The following TACR1 variants were observed in gnomAD, a reference collection of about 807,000 sequenced individuals.
TACR1 encodes the protein substance-P receptor.
In TACR1, 25 loss-of-function variants were observed where a neutral mutation model predicts 35.8. That is an observed-to-expected ratio of 0.70 (90% CI 0.51 to 0.98). The LOEUF (loss-of-function observed/expected upper bound fraction) is 0.98. Among genes scored for constraint, TACR1 ranks in the 50% least tolerant of loss-of-function variants. The pLI is 0.00. For synonymous variants in TACR1, 195 were observed against 206.7 expected (o/e 0.94, Z 0.48); for missense variants, 478 against 522.9 (o/e 0.91, Z 0.84).
intron 2 of TACR1, among the ~76,000 whole-genome samples, chr2:75,106,404 C>T (rs1673645706): frequency 6.6e-6 from 1 of 151,916 alleles, no homozygotes. Flanking sequence ...ACTGTAGACT[C>T]ATGAGAGAAT....
intron 1 of TACR1, among the ~76,000 whole-genome samples, chr2:75,134,382 A>G (rs983156598): frequency 3.9e-5 from 6 of 152,206 alleles, no homozygotes; most frequent in Admixed American, 2.6e-4. Context: ...TATATGTCAG[A>G]GAAGGGCTCA....
chr2:75,134,767 A>C (rs946264827), intron 1 of TACR1, among the ~76,000 whole-genome samples: 1 of 152,228 alleles, frequency 6.6e-6, no homozygotes, highest in Non-Finnish European at 1.5e-5. Flanking sequence ...TCCCCATGGC[A>C]CCTGACCAGG....
At chr2:75,144,706 C>G (rs1674470139) in intron 1 of TACR1, among the ~76,000 whole-genome samples, 1 of 152,168 alleles carries the variant, frequency 6.6e-6, no homozygotes, top group Non-Finnish European at 1.5e-5. Context: ...CCACAACTAA[C>G]AAACTGATAT....
chr2:75,067,240 C>G (rs1672780679), intron 2 of TACR1, among the ~76,000 whole-genome samples: 1 of 152,194 alleles, frequency 6.6e-6, no homozygotes, highest in Admixed American at 6.5e-5. Flanking sequence ...TCCTCAACTT[C>G]ACAGTTCTTA....
At chr2:75,169,875 C>T (rs939143625) in intron 1 of TACR1, among the ~76,000 whole-genome samples, 6 of 151,966 alleles carry the variant, frequency 3.9e-5, no homozygotes, top group Non-Finnish European at 7.4e-5. Flanking sequence ...TTTTTCTTCC[C>T]CTTTCGTCTC....
chr2:75,084,189 T>G (rs1673146399), intron 2 of TACR1, among the ~76,000 whole-genome samples: 2 of 152,366 alleles, frequency 1.3e-5, no homozygotes, highest in South Asian at 4.1e-4. Flanking sequence ...GATAATCATG[T>G]GGTTTTTGTC....
At position 75,137,372 on chromosome 2, in the gene TACR1, C is replaced by T. The variant is rs553178420; in HGVS notation, c.390-16604G>A. On this transcript the variant is annotated intron_variant, in intron 1 of 4. Coordinates refer to ENST00000305249, the MANE Select transcript of TACR1 (RefSeq NM_001058.4). The stretch of plus-strand genomic sequence containing the variant: ...CCTAGACATATAGGTAGAGTGGTCA[C>T]GCATGGTGCGCCCTCCAATCCCCTG... 1.2e-4 allele frequency among the ~76,000 whole-genome samples: 18 copies of T among 152,228 alleles called. No individual in the cohort carries two copies. In the East Asian group the frequency reaches 3.1e-3, roughly 26 times the overall value.
intron 4 of TACR1, among the ~76,000 whole-genome samples, chr2:75,050,653 A>T (rs528945535): frequency 3.2e-4 from 49 of 151,886 alleles, no homozygotes; most frequent in Non-Finnish European, 5.4e-4. Context: ...GCTCTCCCCA[A>T]CCCCTTTGAC....
At chr2:75,148,732 C>T (rs1429565685) in intron 1 of TACR1, among the ~76,000 whole-genome samples, 2 of 152,104 alleles carry the variant, frequency 1.3e-5, no homozygotes, top group African/African-American at 4.8e-5. Flanking sequence ...TTAATTAGAT[C>T]CCATTTGTCA....
chr2:75,091,623 G>T (rs192582407), intron 2 of TACR1, among the ~76,000 whole-genome samples: 1 of 152,316 alleles, frequency 6.6e-6, no homozygotes, highest in East Asian at 1.9e-4. Context: ...CACAGCCTGT[G>T]TTCCTTTCTC....
intron 1 of TACR1, among the ~76,000 whole-genome samples, chr2:75,174,438 C>A (rs996840240): frequency 6.6e-6 from 1 of 152,162 alleles, no homozygotes; most frequent in African/African-American, 2.4e-5. Context: ...ACAGTAGATA[C>A]ACTGGGACAA....
intron 2 of TACR1, among the ~76,000 whole-genome samples, chr2:75,077,924 T>C (rs1673011801): frequency 6.6e-6 from 1 of 152,216 alleles, no homozygotes; most frequent in African/African-American, 2.4e-5. Flanking sequence ...TAATCAAACT[T>C]AAATCAGTGA....
intron 2 of TACR1, among the ~76,000 whole-genome samples, chr2:75,091,318 A>G (rs1673308190): frequency 6.6e-6 from 1 of 150,554 alleles, no homozygotes; most frequent in Admixed American, 6.7e-5. Flanking sequence ...ACTCCATTTT[A>G]TAGATAAGGA....
At chr2:75,161,106 A>C (rs1255231104) in intron 1 of TACR1, among the ~76,000 whole-genome samples, 1 of 151,870 alleles carries the variant, frequency 6.6e-6, no homozygotes, top group Non-Finnish European at 1.5e-5. Context: ...ATAAGAGATC[A>C]GGAAGTATAT....
At chr2:75,146,027 C>T (rs1437416446) in intron 1 of TACR1, among the ~76,000 whole-genome samples, 2 of 152,110 alleles carry the variant, frequency 1.3e-5, no homozygotes, top group African/African-American at 4.8e-5. Context: ...TATTAACATT[C>T]ACAAGGAATG....
chr2:75,118,803 A>G (rs1271054186), intron 2 of TACR1: 2 of 152,240 alleles, frequency 1.3e-5, no homozygotes, highest in Non-Finnish European at 1.5e-5. Context: ...AACAGTTTAT[A>G]TAACGAGCTT....
At chr2:75,197,925 A>C (rs1160893075) in intron 1 of TACR1, among the ~76,000 whole-genome samples, 3 of 152,190 alleles carry the variant, frequency 2.0e-5, no homozygotes, top group African/African-American at 4.8e-5. Flanking sequence ...ACTGCATTAG[A>C]ATTCTGAGTA....
chr2:75,059,247 C>G (rs900545916), intron 2 of TACR1, among the ~76,000 whole-genome samples: 5 of 152,194 alleles, frequency 3.3e-5, no homozygotes, highest in African/African-American at 1.2e-4. Context: ...ACAGGCTGCT[C>G]ACTACTTCTA....
chr2:75,165,691 G>A (rs1024562981), intron 1 of TACR1, among the ~76,000 whole-genome samples: 1 of 152,172 alleles, frequency 6.6e-6, no homozygotes, highest in Non-Finnish European at 1.5e-5. Flanking sequence ...CTAAAAGTGA[G>A]TTCTCATAAA....
Sources: gnomAD v4.1 joint callset for allele counts (sites outside exome capture counted in the v4.1 genomes callset) on GRCh38, gnomAD v4.1.1 for gene constraint, MANE v1.5 for transcripts, NCBI Gene and HGNC (gene_info 2026-07-23, HGNC 2026-07-21) for gene names.